BNC2: variants seen among roughly 807,000 people sequenced by gnomAD.
BNC2 encodes the protein zinc finger protein basonuclin-2.
BNC2 carries 20 observed loss-of-function variants against 76.3 expected under a neutral mutation model. The ratio of observed to expected loss-of-function variants is 0.26; its 90% CI spans 0.18 to 0.38. The LOEUF is 0.38. BNC2 is among the 10% of genes least tolerant of loss of function. The pLI is 1.00. For synonymous variants in BNC2, 582 were observed against 514.8 expected (o/e 1.13, Z -1.77); for missense variants, 1,382 against 1,399.8 (o/e 0.99, Z 0.20).
chr9:16,434,445 T>C (rs775413761), intron 6 of BNC2, among the ~76,000 whole-genome samples: 1 of 152,198 alleles, frequency 6.6e-6, no homozygotes, highest in Non-Finnish European at 1.5e-5. Context: ...TTCCATTGAT[T>C]TCCACCATGT....
chr9:16,670,638 G>C (rs1352070722), intron 3 of BNC2, among the ~76,000 whole-genome samples: 1 of 152,178 alleles, frequency 6.6e-6, no homozygotes, highest in African/African-American at 2.4e-5. Context: ...GATCATTCTG[G>C]TCCTAATGGT....
intron 5 of BNC2, among the ~76,000 whole-genome samples, chr9:16,469,846 T>C (rs1476054234): frequency 2.6e-5 from 4 of 152,174 alleles, no homozygotes; most frequent in Non-Finnish European, 4.4e-5. Flanking sequence ...ACTTTTGTTA[T>C]GTTTTAGCAA....
intron 5 of BNC2, among the ~76,000 whole-genome samples, chr9:16,501,050 A>G (rs1008806222): frequency 6.6e-6 from 1 of 152,206 alleles, no homozygotes; most frequent in Non-Finnish European, 1.5e-5. Context: ...ATGATATTGA[A>G]CAAGTTACCT....
intron 5 of BNC2, among the ~76,000 whole-genome samples, chr9:16,535,380 C>T (rs1811743679): frequency 6.6e-6 from 1 of 152,164 alleles, no homozygotes; most frequent in South Asian, 2.1e-4. Flanking sequence ...CATGAATGTC[C>T]TATGTTCACT....
chr9:16,534,356 C>T (rs552042803), intron 5 of BNC2, among the ~76,000 whole-genome samples: 72 of 152,200 alleles, frequency 4.7e-4, no homozygotes, highest in South Asian at 3.7e-3. Context: ...CTGATTTGTA[C>T]CATGGTTGCA....
chr9:16,533,175 T>C (rs1229425582), intron 5 of BNC2, among the ~76,000 whole-genome samples: 1 of 152,196 alleles, frequency 6.6e-6, no homozygotes, highest in African/African-American at 2.4e-5. Flanking sequence ...TTATGAAGTC[T>C]TGTAAAACAT....
chr9:16,574,148 A>C (rs7863885), intron 4 of BNC2, among the ~76,000 whole-genome samples: 28,540 of 151,966 alleles, frequency 0.19, 5,150 homozygotes, highest in African/African-American at 0.47. Flanking sequence ...TCATTTATAA[A>C]CCCTTCAATT....
intron 4 of BNC2, among the ~76,000 whole-genome samples, chr9:16,559,248 T>C (rs993494449): frequency 1.3e-5 from 2 of 151,050 alleles, no homozygotes; most frequent in South Asian, 2.1e-4. Context: ...TACAAATTCA[T>C]AAACTTTCTT....
At chr9:16,514,864 T>C (rs1434206514) in intron 5 of BNC2, among the ~76,000 whole-genome samples, 4 of 152,308 alleles carry the variant, frequency 2.6e-5, no homozygotes, top group South Asian at 2.1e-4. Context: ...TCTTTCTTCA[T>C]TGCTAATGGC....
At chr9:16,708,391 G>A (rs1021209336) in intron 3 of BNC2, among the ~76,000 whole-genome samples, 3 of 152,186 alleles carry the variant, frequency 2.0e-5, no homozygotes, top group African/African-American at 7.2e-5. Flanking sequence ...ACAGGCATAC[G>A]TTAATTTATT....
chr9:16,740,947 T>C (rs530409988), intron 1 of BNC2, among the ~76,000 whole-genome samples: 11 of 152,264 alleles, frequency 7.2e-5, no homozygotes, highest in Non-Finnish European at 1.5e-4. Flanking sequence ...CTGCTCATGT[T>C]AGAAAACCAA....
chr9:16,471,574 G>T (rs1383671229), intron 5 of BNC2, among the ~76,000 whole-genome samples: 1 of 152,200 alleles, frequency 6.6e-6, no homozygotes, highest in African/African-American at 2.4e-5. Context: ...TTACAGGCGT[G>T]AGCCACTGCA....
intron 5 of BNC2, among the ~76,000 whole-genome samples, chr9:16,452,780 T>C (rs1821370408): frequency 6.6e-6 from 1 of 150,778 alleles, no homozygotes; most frequent in Admixed American, 6.6e-5. Context: ...CAAATAACTT[T>C]TTACATTGAT....
intron 3 of BNC2, among the ~76,000 whole-genome samples, chr9:16,705,444 C>T (rs190412003): frequency 2.6e-5 from 4 of 152,274 alleles, no homozygotes; most frequent in Non-Finnish European, 5.9e-5. Flanking sequence ...GAACATGACC[C>T]CTGACCCCTT....
chr9:16,579,971 A>ATGTATCTT (rs1319100456), intron 4 of BNC2: 2 of 397,102 alleles, frequency 5.0e-6, no homozygotes, highest in Non-Finnish European at 8.9e-6. Context: ...ATTCTGGGCA[A>ATGTATCTT]TGTATCTTGG....
At chr9:16,669,529 G>C (rs770687511) in intron 3 of BNC2, among the ~76,000 whole-genome samples, 1 of 152,196 alleles carries the variant, frequency 6.6e-6, no homozygotes, top group Non-Finnish European at 1.5e-5. Context: ...CTTCCAATTG[G>C]TTGAGGATCT....
intron 5 of BNC2, among the ~76,000 whole-genome samples, chr9:16,485,762 C>G (rs1822151389): frequency 6.6e-6 from 1 of 151,940 alleles, no homozygotes; most frequent in Admixed American, 6.6e-5. Flanking sequence ...TGAGCTGTTA[C>G]CACACCACTG....
intron 3 of BNC2, among the ~76,000 whole-genome samples, chr9:16,603,410 ACTG>A (rs1245882101): frequency 6.6e-6 from 1 of 152,248 alleles, no homozygotes; most frequent in Admixed American, 6.5e-5. Flanking sequence ...ATACACATTA[ACTG>A]CTACCAATGC....
intron 6 of BNC2, among the ~76,000 whole-genome samples, chr9:16,423,141 G>T (rs1022238937): frequency 6.6e-6 from 1 of 152,320 alleles, no homozygotes; most frequent in African/African-American, 2.4e-5. Context: ...ATCCAACAAG[G>T]AACCAATTTT....
Sources: gnomAD v4.1 joint callset for allele counts (sites outside exome capture counted in the v4.1 genomes callset) on GRCh38, gnomAD v4.1.1 for gene constraint, MANE v1.5 for transcripts, NCBI Gene and HGNC (gene_info 2026-07-23, HGNC 2026-07-21) for gene names.